TMEM219: variants seen among roughly 807,000 people sequenced by gnomAD.
TMEM219 encodes insulin-like growth factor-binding protein 3 receptor.
In TMEM219, 18 loss-of-function variants were observed where a neutral mutation model predicts 17.9. The observed-to-expected ratio is 1.01, with a 90% confidence interval of 0.70 to 1.49. The LOEUF (loss-of-function observed/expected upper bound fraction) is 1.49, where lower values mean the gene tolerates loss of function less well. Ranked by LOEUF, TMEM219 falls within the 40% of genes most tolerant of loss-of-function variation. TMEM219 has a pLI of 0.00. For missense variants in TMEM219, 288 were observed against 292.4 expected (o/e 0.99, Z 0.11); for synonymous variants, 113 against 124.0 (o/e 0.91, Z 0.59).
At chr16:29,969,831 G>T (rs1283243069) in intron 4 of TMEM219, among the ~76,000 whole-genome samples, 1 of 152,182 alleles carries the variant, frequency 6.6e-6, no homozygotes, top group Non-Finnish European at 1.5e-5. Flanking sequence ...GAAGGCCGTG[G>T]GGGCCACTGA....
chr16:29,971,279 A>G, intron 4 of TMEM219, 129 bp from the exon 5 acceptor site: 1 of 958,624 alleles, frequency 1.0e-6, no homozygotes, highest in Non-Finnish European at 1.5e-6. Flanking sequence ...GTCAGCTTAT[A>G]TGAAAATAAC....
At chr16:29,972,613 A>G (rs78073955) in intron 5 of TMEM219, among the ~76,000 whole-genome samples, 4,751 of 152,330 alleles carry the variant, frequency 0.031, 230 homozygotes, top group Admixed American at 0.12. Flanking sequence ...ACTATGGGAA[A>G]AGTGGAAATA....
At chr16:29,963,713 T>C (rs962385646) in intron 3 of TMEM219, 124 bp downstream of exon 3, 49 of 884,342 alleles carry the variant, frequency 5.5e-5, no homozygotes, top group Admixed American at 2.1e-4. Flanking sequence ...TGAAACACCA[T>C]CTCTACTAAA....
chr16:29,971,474 C>G lies in TMEM219; in HGVS notation c.652C>G (p.Leu218Val). The G allele has an allele frequency of 6.2e-7, 1 of 1,614,108 alleles. No individual in the cohort carries two copies. Among genetic ancestry groups the G allele is most frequent in the Non-Finnish European group, 8.5e-7 (1 of 1,180,016 alleles). The change falls in exon 5 of 6, where the codon CTT (leucine) becomes GTT (valine). Residue 218 changes from leucine to valine, a missense_variant. Transcript: ENST00000279396. ...LGSFLLLFCG[L>V]LCCVTAMCFH... Reference sequence around the variant, plus strand: ...CTCCTTCCTGCTTCTCTTCTGTGGCCTTCTCTGCTGTGTCACTGCTATGTG... The same window carrying G: ...CTCCTTCCTGCTTCTCTTCTGTGGCGTTCTCTGCTGTGTCACTGCTATGTG...
intron 4 of TMEM219, 24 bp downstream of exon 4, chr16:29,968,278 A>C: frequency 6.3e-7 from 1 of 1,584,114 alleles, no homozygotes; most frequent in South Asian, 1.1e-5. Context: ...ATGGGTCGCC[A>C]GGGTTTTGTA....
intron 4 of TMEM219, among the ~76,000 whole-genome samples, chr16:29,969,740 AAGGAGAAAAGGCAAGAGAGACCAC>A (rs1258658476): frequency 6.6e-6 from 1 of 152,094 alleles, no homozygotes; most frequent in Non-Finnish European, 1.5e-5. Context: ...GAGGCTTAGG[AAGGAGAAAAGGCAAGAGAGACCAC>A]AGGGATTTGA....
At chr16:29,969,152 AC>A (rs1246696126) in intron 4 of TMEM219, among the ~76,000 whole-genome samples, 3 of 150,428 alleles carry the variant, frequency 2.0e-5, no homozygotes, top group Non-Finnish European at 3.0e-5. Context: ...GGAGTTCCAG[AC>A]CAGCCTGGAG....
chr16:29,962,204 C>CG (rs2069154476), intron 1 of TMEM219, 72 bp downstream of exon 1: 1 of 152,026 alleles, frequency 6.6e-6, no homozygotes, highest in Non-Finnish European at 1.5e-5. Context: ...TCGTTCGGGG[C>CG]GGGGGCTTTC....
At chr16:29,965,700 G>A (rs1320435967) in intron 3 of TMEM219, among the ~76,000 whole-genome samples, 1 of 151,988 alleles carries the variant, frequency 6.6e-6, no homozygotes, top group East Asian at 1.9e-4. Context: ...TCAGCCTCCT[G>A]AGTAGCTGGG....
intron 3 of TMEM219, among the ~76,000 whole-genome samples, chr16:29,966,502 C>T (rs2069214276): frequency 6.6e-6 from 1 of 152,020 alleles, no homozygotes; most frequent in African/African-American, 2.4e-5. Flanking sequence ...TCATAGGAAG[C>T]CCTTCCTCAT....
At chr16:29,964,671 C>A (rs552022552) in intron 3 of TMEM219, among the ~76,000 whole-genome samples, 1 of 151,952 alleles carries the variant, frequency 6.6e-6, no homozygotes, top group Non-Finnish European at 1.5e-5. Flanking sequence ...CGCGCCCCCC[C>A]CACCACCCTG....
intron 5 of TMEM219, among the ~76,000 whole-genome samples, chr16:29,972,690 C>T (rs996784371): frequency 6.6e-6 from 1 of 152,184 alleles, no homozygotes; most frequent in Non-Finnish European, 1.5e-5. Context: ...GCTTATTTTG[C>T]TGATGGCTGG....
intron 3 of TMEM219, among the ~76,000 whole-genome samples, chr16:29,965,180 G>T (rs1002867280): frequency 6.6e-6 from 1 of 152,140 alleles, no homozygotes; most frequent in African/African-American, 2.4e-5. Flanking sequence ...ATGGAAGAGG[G>T]TGGTATTTTC....
At chr16:29,972,033 A>T (rs2069299343) in intron 5 of TMEM219, 1 of 154,518 alleles carries the variant, frequency 6.5e-6, no homozygotes. Flanking sequence ...TATTTTTGAA[A>T]CTATGTAGAC....
intron 5 of TMEM219, among the ~76,000 whole-genome samples, chr16:29,972,383 G>C (rs549799838): frequency 6.6e-6 from 1 of 152,184 alleles, no homozygotes; most frequent in Non-Finnish European, 1.5e-5. Flanking sequence ...AGCTGATTCC[G>C]TTAACAAGAT....
chr16:29,968,516 C>T (rs1596580050), intron 4 of TMEM219: 1 of 390,940 alleles, frequency 2.6e-6, no homozygotes, highest in Non-Finnish European at 4.6e-6. Flanking sequence ...CAGCACATTG[C>T]CTGGGACATA....
chr16:29,971,157 A>G (rs1234330003), intron 4 of TMEM219, among the ~76,000 whole-genome samples: 1 of 148,946 alleles, frequency 6.7e-6, no homozygotes, highest in Non-Finnish European at 1.5e-5. Context: ...GAGGCAGGAG[A>G]ATGGCGTGAA....
rs560328466 is a variant in TMEM219, at chr16:29,966,290, TTTAAG to T, written c.356-1731_356-1727del. On this transcript the variant is annotated intron_variant, in intron 3 of 5. Coordinates refer to ENST00000279396, the MANE Select transcript of TMEM219 (RefSeq NM_001083613.2). ...GTTTGTTTCCTTTGTTCCTTTTTCTTTTAAGTTATTTGTCTTTTTCTTCTTGATTT... is the reference window on the plus strand; with the variant it reads ...GTTTGTTTCCTTTGTTCCTTTTTCTTTTATTTGTCTTTTTCTTCTTGATTT... Among the ~76,000 whole-genome samples the T allele has an allele frequency of 2.4e-3, 370 of 152,330 alleles. 1 individual carries two copies. The highest frequency in any genetic ancestry group is 8.4e-3 in the African/African-American group (348 of 41,568).
intron 3 of TMEM219, among the ~76,000 whole-genome samples, chr16:29,964,883 A>G (rs974221058): frequency 2.0e-5 from 3 of 152,162 alleles, no homozygotes; most frequent in African/African-American, 7.2e-5. Flanking sequence ...TTCCTCTGCC[A>G]GTTCTGATGT....
Sources: allele counts gnomAD v4.1 joint callset (sites outside exome capture counted in the v4.1 genomes callset), GRCh38; gene constraint gnomAD v4.1.1; transcripts MANE v1.5; gene names NCBI Gene and HGNC (gene_info 2026-07-23, HGNC 2026-07-21).